The following NEK6 variants were observed in gnomAD, a reference collection of about 807,000 sequenced individuals.
The protein encoded by NEK6 is serine/threonine-protein kinase Nek6.
A neutral mutation model predicts 43.5 loss-of-function variants in NEK6; 27 were observed. That is an observed-to-expected ratio of 0.62 (90% CI 0.46 to 0.86). NEK6 has a LOEUF of 0.86. Among genes scored for constraint, NEK6 ranks in the 40% least tolerant of loss-of-function variants. NEK6 has a pLI of 0.00. For missense variants in NEK6, 318 were observed against 414.4 expected (o/e 0.77, Z 2.02); for synonymous variants, 167 against 164.1 (o/e 1.02, Z -0.14).
At chr9:124,318,263 A>G (rs1258001192) in intron 4 of NEK6, among the ~76,000 whole-genome samples, 1 of 150,772 alleles carries the variant, frequency 6.6e-6, no homozygotes, top group African/African-American at 2.4e-5. Flanking sequence ...TTTTTTTGAG[A>G]CTGGGTCACA....
intron 9 of NEK6, among the ~76,000 whole-genome samples, chr9:124,349,491 C>T (rs1240129901): frequency 1.3e-5 from 2 of 152,210 alleles, no homozygotes; most frequent in Non-Finnish European, 2.9e-5. Flanking sequence ...CTCCCCGGAG[C>T]ACTGGCTCTC....
chr9:124,299,623 G>A (rs1564631001), intron 1 of NEK6, among the ~76,000 whole-genome samples: 2 of 152,132 alleles, frequency 1.3e-5, no homozygotes, highest in Admixed American at 6.5e-5. Context: ...AGAGCACTGA[G>A]CGCTGGGAGA....
In NEK6 at chr9:124,329,636, G is replaced by A. The variant is rs1828865758; in HGVS notation, c.622+2191G>A. Among the ~76,000 whole-genome samples the A allele has an allele frequency of 3.3e-5, 5 of 152,236 alleles. No homozygotes were observed. In the South Asian group the frequency reaches 1.0e-3, roughly 32 times the overall value. On this transcript the variant is annotated intron_variant, in intron 7 of 9. Coordinates refer to ENST00000320246, the MANE Select transcript of NEK6 (RefSeq NM_014397.6). ...CCGGCATCCAGGAGAGATGCCCAAT[G>A]AGCTGAGGCCTGCACGGAGCTGAGC...
chr9:124,293,031 T>C, intron 1 of NEK6: 1 of 1,502,958 alleles, frequency 6.7e-7, no homozygotes, highest in Non-Finnish European at 8.9e-7. Flanking sequence ...CAAGATCATT[T>C]CCCAGGCAGG....
chr9:124,266,820 C>A (rs987297289), intron 1 of NEK6, among the ~76,000 whole-genome samples: 1 of 152,228 alleles, frequency 6.6e-6, no homozygotes, highest in African/African-American at 2.4e-5. Context: ...CCTCACTCCC[C>A]TCAGTGGGCT....
chr9:124,315,014 G>C (rs978254811), intron 4 of NEK6, among the ~76,000 whole-genome samples: 1 of 152,258 alleles, frequency 6.6e-6, no homozygotes, highest in Admixed American at 6.5e-5. Flanking sequence ...GGGACTGCTG[G>C]TGGCAGGGCT....
intron 1 of NEK6, among the ~76,000 whole-genome samples, chr9:124,296,439 T>G (rs1011891968): frequency 1.3e-5 from 2 of 152,180 alleles, no homozygotes; most frequent in Non-Finnish European, 2.9e-5. Context: ...TGGCAACACC[T>G]GTCAGTCTGG....
At chr9:124,270,931 A>G (rs1415458170) in intron 1 of NEK6, among the ~76,000 whole-genome samples, 2 of 152,278 alleles carry the variant, frequency 1.3e-5, no homozygotes, top group African/African-American at 4.8e-5. Context: ...TCACCTGGAC[A>G]TGAAGCCAGC....
chr9:124,261,874 A>G (rs571549350), intron 1 of NEK6, among the ~76,000 whole-genome samples: 99 of 151,994 alleles, frequency 6.5e-4, no homozygotes, highest in Non-Finnish European at 1.9e-4. Context: ...GCTCAGCCAC[A>G]TTTCTGGCAT....
At chr9:124,258,175 G>C in intron 1 of NEK6, 90 bp downstream of exon 1, 9 of 975,472 alleles carry the variant, frequency 9.2e-6, no homozygotes, top group Non-Finnish European at 1.1e-5. Context: ...ACCCCCAGCC[G>C]GGCCGAGGGC....
At chr9:124,288,761 C>A (rs78712235) in intron 1 of NEK6, among the ~76,000 whole-genome samples, 2,931 of 152,202 alleles carry the variant, frequency 0.019, 47 homozygotes, top group East Asian at 0.084. Context: ...TGGGACTGGC[C>A]CAGGCTCACA....
chr9:124,309,087 C>T (rs1438452667), intron 2 of NEK6, among the ~76,000 whole-genome samples: 1 of 152,192 alleles, frequency 6.6e-6, no homozygotes, highest in African/African-American at 2.4e-5. Flanking sequence ...AGCCTGGTGT[C>T]TCAAGGTGCC....
Position 124,326,587 on chromosome 9 carries a change from GCA to G in NEK6, c.514+157_514+158del, listed in dbSNP as rs972711045. ...GGCAAGGGGGCTGCCCAGCAACCGC[GCA>G]CACACACGCGCCCGGGTCAGGAACC... is the stretch of plus-strand genomic sequence containing the variant. On this transcript the variant is annotated intron_variant, in intron 6 of 9. Transcript: ENST00000320246. This position sits in a 1 kb window ranked among gnomAD's most constrained non-coding sequence, Gnocchi z 4.5. 9.7e-6 allele frequency: 6 copies of G among 621,212 alleles called. No individual in the cohort carries two copies. The highest frequency in any genetic ancestry group is 1.7e-5 in the Non-Finnish European group (6 of 346,418). The allele number at this position is 621,212 out of a possible 1,614,324, so 38.5% of individuals were successfully genotyped here.
chr9:124,296,025 A>G lies in NEK6; in HGVS notation c.-29-5911A>G, dbSNP rs1588473383. Among the ~76,000 whole-genome samples the G allele has an allele frequency of 4.6e-5, 7 of 152,278 alleles. No individual in the cohort carries two copies. The South Asian group carries it at 1.5e-3, about 32-fold the overall frequency. On this transcript the variant is annotated intron_variant, in intron 1 of 9. Coordinates refer to ENST00000320246, the MANE Select transcript of NEK6 (RefSeq NM_014397.6). ...TGATGTTGAAGTTGGTCCGGCCTTG[A>G]CCCAGCCAGTGGCCAGTGCAGTGAG...
chr9:124,339,874 A>G (rs912354), intron 8 of NEK6, among the ~76,000 whole-genome samples: 144,627 of 152,248 alleles, frequency 0.95, 69,064 homozygotes, highest in East Asian at 1. Context: ...AGGCTGTTAG[A>G]GGGTGGACAG....
At chr9:124,297,248 C>A (rs987843319) in intron 1 of NEK6, among the ~76,000 whole-genome samples, 2 of 152,218 alleles carry the variant, frequency 1.3e-5, no homozygotes, top group African/African-American at 4.8e-5. Context: ...GGTGATCACG[C>A]CTCCATTGTA....
intron 1 of NEK6, among the ~76,000 whole-genome samples, chr9:124,288,781 G>A (rs992271827): frequency 1.3e-5 from 2 of 152,118 alleles, no homozygotes; most frequent in African/African-American, 4.8e-5. Flanking sequence ...ATGGGCGGAT[G>A]GAGGCAGCAC....
intron 4 of NEK6, among the ~76,000 whole-genome samples, chr9:124,317,680 C>T (rs1341597603): frequency 6.6e-6 from 1 of 152,206 alleles, no homozygotes; most frequent in Admixed American, 6.5e-5. Flanking sequence ...CCCACTCCCG[C>T]CCCCTCTTGT....
At chr9:124,307,816 C>T (rs569225730) in intron 2 of NEK6, among the ~76,000 whole-genome samples, 2 of 152,276 alleles carry the variant, frequency 1.3e-5, no homozygotes, top group East Asian at 1.9e-4. Context: ...AGGTGCACGT[C>T]GTCAGCCCCA....
Sources: gnomAD v4.1 joint callset for allele counts (sites outside exome capture counted in the v4.1 genomes callset) on GRCh38, gnomAD v4.1.1 for gene constraint, Gnocchi (gnomAD v3.1) non-coding constraint, MANE v1.5 for transcripts, NCBI Gene and HGNC (gene_info 2026-07-23, HGNC 2026-07-21) for gene names.